The following BLNK variants were observed in gnomAD, a reference collection of about 807,000 sequenced individuals.
BLNK encodes B cell linker.
Under a neutral mutation model 73.5 loss-of-function variants are expected in BLNK, and 29 were observed. The ratio of observed to expected loss-of-function variants is 0.39; its 90% CI spans 0.29 to 0.54. The LOEUF (loss-of-function observed/expected upper bound fraction) is 0.54, where lower values mean the gene tolerates loss of function less well. Among genes scored for constraint, BLNK ranks in the 20% least tolerant of loss-of-function variants. BLNK has a pLI of 0.61. For missense variants in BLNK, 460 were observed against 562.8 expected (o/e 0.82, Z 1.85); for synonymous variants, 176 against 200.8 (o/e 0.88, Z 1.04).
intron 3 of BLNK, among the ~76,000 whole-genome samples, chr10:96,235,228 G>A (rs1159281671): frequency 6.6e-6 from 1 of 152,104 alleles, no homozygotes; most frequent in Non-Finnish European, 1.5e-5. Context: ...TTCACCTCTG[G>A]GCCTCAGCTT....
chr10:96,194,456 T>C (rs2083407690), intron 16 of BLNK, among the ~76,000 whole-genome samples: 1 of 152,292 alleles, frequency 6.6e-6, no homozygotes, highest in South Asian at 2.1e-4. Flanking sequence ...ATTTTTTGGA[T>C]ATGACATTAA....
chr10:96,252,385 T>G (rs1843322627), intron 1 of BLNK, among the ~76,000 whole-genome samples: 1 of 152,216 alleles, frequency 6.6e-6, no homozygotes, highest in South Asian at 2.1e-4. Context: ...GTGGTGCTGA[T>G]GCTACCAGTT....
At chr10:96,257,401 G>A (rs553637904) in intron 1 of BLNK, among the ~76,000 whole-genome samples, 6 of 152,184 alleles carry the variant, frequency 3.9e-5, no homozygotes, top group Non-Finnish European at 7.3e-5. Context: ...CCTCGAGCTC[G>A]TGACAGCGTG....
chr10:96,203,639 T>C (rs1420951034), intron 13 of BLNK: 2 of 154,470 alleles, frequency 1.3e-5, no homozygotes, highest in Admixed American at 6.4e-5. Context: ...GTACCTTTTG[T>C]AGACATATTT....
intron 1 of BLNK, among the ~76,000 whole-genome samples, chr10:96,264,955 T>C (rs1843926914): frequency 6.6e-6 from 1 of 152,012 alleles, no homozygotes; most frequent in Non-Finnish European, 1.5e-5. Context: ...TGTCCAGAAT[T>C]TGGCCTTATT....
At chr10:96,242,401 A>G (rs1842908121) in intron 3 of BLNK, among the ~76,000 whole-genome samples, 1 of 152,258 alleles carries the variant, frequency 6.6e-6, no homozygotes, top group Non-Finnish European at 1.5e-5. Flanking sequence ...ACAGACTAAT[A>G]CAATAATCTA....
intron 3 of BLNK, among the ~76,000 whole-genome samples, chr10:96,241,124 G>C (rs1431910386): frequency 6.6e-6 from 1 of 152,186 alleles, no homozygotes; most frequent in Admixed American, 6.5e-5. Context: ...TGGGCAGGTT[G>C]GTCAGCATTT....
At chr10:96,256,907 A>C (rs537064748) in intron 1 of BLNK, among the ~76,000 whole-genome samples, 19 of 149,938 alleles carry the variant, frequency 1.3e-4, no homozygotes, top group East Asian at 1.2e-3. Flanking sequence ...AAAGCAGCAG[A>C]AGAAGAAGCA....
In BLNK at chr10:96,236,765, G is replaced by A. The variant is rs1233303294; in HGVS notation, c.164-5931C>T. 3.9e-5 allele frequency among the ~76,000 whole-genome samples: 6 copies of A among 152,212 alleles called. 1 individual carries two copies. Among genetic ancestry groups the A allele is most frequent in the Non-Finnish European group, 7.3e-5 (5 of 68,030 alleles). The stretch of plus-strand genomic sequence containing the variant: ...CACTTGAGCCCAGGAGGTTGAGGCT[G>A]CAGTGAGCCATGATTGTACCCCTGG... On this transcript the variant is annotated intron_variant, in intron 3 of 16. Transcript: ENST00000224337.
Position 96,209,407 on chromosome 10 carries a change from T to C in BLNK, c.746+431A>G, listed in dbSNP as rs1312770896. Reference sequence around the variant, plus strand: ...TTATTTATTTATTTATTCATTTATTTATTTATTTGAGATGGAGTCTTGCTC... The same window carrying C: ...TTATTTATTTATTTATTCATTTATTCATTTATTTGAGATGGAGTCTTGCTC... On this transcript the variant is annotated intron_variant, in intron 9 of 16. Transcript: ENST00000224337. Among the ~76,000 whole-genome samples the C allele has an allele frequency of 2.6e-5, 4 of 151,854 alleles. No homozygotes were observed. In the South Asian group the frequency reaches 6.2e-4, roughly 24 times the overall value.
Position 96,242,749 on chromosome 10 carries a change from C to T in BLNK, c.149G>A (p.Arg50Lys). 6.2e-7 allele frequency: 1 copy of T among 1,614,104 alleles called. No individual in the cohort carries two copies. The highest frequency in any genetic ancestry group is 8.5e-7 in the Non-Finnish European group (1 of 1,179,934). ...KVKAPPSVPR[R>K]DYASESPADE... ...AAATACCTTACCTGAAGCGTAGTCC[C>T]TTCGAGGAACACTTGGAGGTGCTTT... The change falls in exon 3 of 17, where the codon AGG (arginine) becomes AAG (lysine). Residue 50 changes from arginine to lysine, a missense_variant. By Grantham distance (26) the Arg-to-Lys change is conservative. This residue lies in a region of BLNK where 139 missense variants were observed against 187.3 expected (regional missense o/e 0.74). Transcript: ENST00000224337.
chr10:96,220,359 A>G (rs1468797070), intron 6 of BLNK, among the ~76,000 whole-genome samples: 2 of 152,194 alleles, frequency 1.3e-5, no homozygotes, highest in Non-Finnish European at 2.9e-5. Context: ...ATATTTCTGG[A>G]ATGGAGACAT....
chr10:96,227,421 C>G lies in BLNK; in HGVS notation c.350G>C (p.Gly117Ala). The stretch of plus-strand genomic sequence containing the variant: ...GCGGGGGACCTCACCTATATACTCG[C>G]CTCTGGCGAAGGGCAGGGCTGGGTG... ...PVHPALPFARGEYIDNRSSQR... is the reference protein window; with the variant it reads ...PVHPALPFARAEYIDNRSSQR... The change falls in exon 5 of 17, where the codon GGC (glycine) becomes GCC (alanine). Residue 117 changes from glycine to alanine, a missense_variant. By Grantham distance (60) the Gly-to-Ala change is moderately conservative. Coordinates refer to ENST00000224337, the MANE Select transcript of BLNK (RefSeq NM_013314.4). 6.2e-7 allele frequency: 1 copy of G among 1,613,996 alleles called. No individual in the cohort carries two copies. The highest frequency in any genetic ancestry group is 8.5e-7 in the Non-Finnish European group (1 of 1,180,046).
At chr10:96,239,276 A>G (rs955094848) in intron 3 of BLNK, 7 of 397,478 alleles carry the variant, frequency 1.8e-5, no homozygotes, top group Admixed American at 4.4e-5. Context: ...CCTGAGCCCC[A>G]GAGATCTGTG....
chr10:96,232,817 C>CT (rs67469119), intron 3 of BLNK, among the ~76,000 whole-genome samples: 4,593 of 139,442 alleles, frequency 0.033, 255 homozygotes, highest in East Asian at 0.23. Flanking sequence ...CTTTTCTAGT[C>CT]TTTTTTTTTT....
intron 16 of BLNK, among the ~76,000 whole-genome samples, chr10:96,195,311 TATA>T (rs1265943007): frequency 5.3e-5 from 8 of 152,202 alleles, no homozygotes; most frequent in Admixed American, 2.0e-4. Context: ...CACTTCTGGG[TATA>T]TACCCCCAAA....
chr10:96,200,315 A>G lies in BLNK; in HGVS notation c.1012-157T>C, dbSNP rs1554895790. 6.6e-6 allele frequency among the ~76,000 whole-genome samples: 1 copy of G among 152,114 alleles called. No individual in the cohort carries two copies. The highest frequency in any genetic ancestry group is 1.5e-5 in the Non-Finnish European group (1 of 68,018). ...TTTTATTTTTCCTTTGATCAAACAC[A>G]AGGATTATACCGTTAACTTGTTTTT... On this transcript the variant is annotated intron_variant, in intron 14 of 16. Coordinates refer to ENST00000224337, the MANE Select transcript of BLNK (RefSeq NM_013314.4). This position sits in a 1 kb window ranked among gnomAD's most constrained non-coding sequence, Gnocchi z 4.3.
Position 96,227,518 on chromosome 10 carries a change from C to T in BLNK, c.253G>A (p.Val85Met), listed in dbSNP as rs781998086. The T allele has an allele frequency of 1.1e-5, 17 of 1,614,220 alleles. No individual in the cohort carries two copies. The highest frequency in any genetic ancestry group is 4.5e-5 in the East Asian group (2 of 44,890). ...TCAGCGTTCTCCTCGGCGGGCATCA[C>T]GTACATCTCTGAGTCCGAGTGCTCA... Reference protein sequence around the residue: ...PDEHSDSEMYVMPAEENADDS... With the variant: ...PDEHSDSEMYMMPAEENADDS... Residue 85 changes from valine (V) to methionine (M), a missense_variant, in exon 5 of 17, where the codon GTG becomes ATG. Around this residue, in one of 3 missense-constraint regions of BLNK, gnomAD observed 139 missense variants for 187.3 expected, o/e 0.74. Transcript: ENST00000224337.
At chr10:96,262,356 A>G (rs17111540) in intron 1 of BLNK, among the ~76,000 whole-genome samples, 11,569 of 152,216 alleles carry the variant, frequency 0.076, 1,233 homozygotes, top group East Asian at 0.54. Flanking sequence ...GGAAGGGGGC[A>G]TTCATTGAGC....
Sources: gnomAD v4.1 joint callset for allele counts (sites outside exome capture counted in the v4.1 genomes callset) on GRCh38, gnomAD v4.1.1 for gene constraint, gnomAD v4.1.1 regional missense constraint, Gnocchi (gnomAD v3.1) non-coding constraint, MANE v1.5 for transcripts, NCBI Gene and HGNC (gene_info 2026-07-23, HGNC 2026-07-21) for gene names.